The following DIAPH2 variants were observed in gnomAD, a reference collection of about 807,000 sequenced individuals.
The protein encoded by DIAPH2 is protein diaphanous homolog 2.
A neutral mutation model predicts 92.7 loss-of-function variants in DIAPH2; 35 were observed. The ratio of observed to expected loss-of-function variants is 0.38; its 90% CI spans 0.29 to 0.50. The LOEUF (loss-of-function observed/expected upper bound fraction) is 0.50. DIAPH2 is among the 20% of genes least tolerant of loss of function. The pLI, the probability that DIAPH2 is intolerant of heterozygous loss-of-function variation, is 0.94. For synonymous variants in DIAPH2, 301 were observed against 280.4 expected (o/e 1.07, Z -0.73); for missense variants, 701 against 819.5 (o/e 0.86, Z 1.77).
At chrX:97,015,798 A>T (rs1005222186) in intron 17 of DIAPH2, among the ~76,000 whole-genome samples, 21 of 108,903 alleles carry the variant, frequency 1.9e-4, no homozygotes, top group African/African-American at 7.0e-4. Flanking sequence ...AAAAAAAAAA[A>T]AAAAAAAAGC....
At chrX:97,499,440 A>G (rs1462526955) in intron 26 of DIAPH2, among the ~76,000 whole-genome samples, 3 of 111,807 alleles carry the variant, frequency 2.7e-5, no homozygotes, top group African/African-American at 9.8e-5. Context: ...TTCAGCGGGT[A>G]CATGTGCAGG....
chrX:97,254,431 G>A (rs1331177694), intron 23 of DIAPH2, among the ~76,000 whole-genome samples: 1 of 103,501 alleles, frequency 9.7e-6, no homozygotes, highest in Non-Finnish European at 2.0e-5. Flanking sequence ...GGCGAAGGTT[G>A]CAGTGAGCTG....
chrX:97,358,145 A>G (rs1213905242), intron 24 of DIAPH2, among the ~76,000 whole-genome samples: 2 of 112,151 alleles, frequency 1.8e-5, no homozygotes, highest in Non-Finnish European at 3.8e-5. Context: ...ACCAAGCTTC[A>G]GTTACTTCTT....
At chrX:97,433,280 G>T (rs1049139158) in intron 26 of DIAPH2, among the ~76,000 whole-genome samples, 40 of 110,918 alleles carry the variant, frequency 3.6e-4, no homozygotes, top group Non-Finnish European at 7.2e-4. Flanking sequence ...GGAGGCTGAG[G>T]TGAGAGGATC....
rs2067717233 is a variant in DIAPH2 at position 97,198,075 on chromosome X, T to C, written c.2720-49640T>C. Among the ~76,000 whole-genome samples, 3 of 110,861 alleles carry C rather than the reference T, an allele frequency of 2.7e-5. No homozygotes were observed. In the Admixed American group the frequency reaches 2.9e-4, roughly 11 times the overall value. On this transcript the variant is annotated intron_variant, in intron 22 of 26. Coordinates refer to ENST00000324765, the MANE Select transcript of DIAPH2 (RefSeq NM_006729.5). ...GAGTCAGCTGAAAACTATTTGTTTC[T>C]TTCAAAAGACAAGGGGAATGAATGA...
At chrX:97,476,944 CAA>C (rs958991841) in intron 26 of DIAPH2, among the ~76,000 whole-genome samples, 170 of 13,222 alleles carry the variant, frequency 0.013, no homozygotes, top group African/African-American at 0.033. Context: ...AACTCTGTCT[CAA>C]AAAAAAAAAA....
At chrX:96,998,681 A>G (rs1237711241) in intron 17 of DIAPH2, among the ~76,000 whole-genome samples, 1 of 111,410 alleles carries the variant, frequency 9.0e-6, no homozygotes, top group African/African-American at 3.3e-5. Context: ...GGAGGTCATT[A>G]TAAAATGTGA....
chrX:97,167,481 A>G (rs968735215), intron 22 of DIAPH2, among the ~76,000 whole-genome samples: 1 of 111,633 alleles, frequency 9.0e-6, no homozygotes, highest in Admixed American at 9.6e-5. Flanking sequence ...TTCAAGAATG[A>G]GAGTACAAAA....
chrX:97,106,844 A>G (rs767715790), intron 20 of DIAPH2, among the ~76,000 whole-genome samples: 1 of 112,178 alleles, frequency 8.9e-6, no homozygotes, highest in South Asian at 3.8e-4. Context: ...AGGCAGGAGA[A>G]TCGTTTGAAC....
intron 26 of DIAPH2, among the ~76,000 whole-genome samples, chrX:97,459,017 G>A (rs1448560432): frequency 8.9e-6 from 1 of 111,986 alleles, no homozygotes; most frequent in Non-Finnish European, 1.9e-5. Context: ...TCCATTCCCA[G>A]AGTCTGACTT....
chrX:97,212,923 TTAAATAGTTGAA>T (rs2067852794), intron 22 of DIAPH2, among the ~76,000 whole-genome samples: 1 of 111,901 alleles, frequency 8.9e-6, no homozygotes, highest in Non-Finnish European at 1.9e-5. Context: ...AAGTCATTGG[TTAAATAGTTGAA>T]GTTTTGGATA....
At chrX:97,346,947 A>G (rs1419357994) in intron 23 of DIAPH2, among the ~76,000 whole-genome samples, 1 of 110,684 alleles carries the variant, frequency 9.0e-6, no homozygotes, top group African/African-American at 3.3e-5. Flanking sequence ...CTCAAATGCC[A>G]AGGTGCCATA....
At chrX:97,395,459 C>T (rs1428821678) in intron 25 of DIAPH2, among the ~76,000 whole-genome samples, 1 of 111,850 alleles carries the variant, frequency 8.9e-6, no homozygotes. Context: ...ATTAGGATTT[C>T]GTTATTGTCT....
intron 26 of DIAPH2, among the ~76,000 whole-genome samples, chrX:97,592,518 G>A: frequency 1.8e-5 from 2 of 111,971 alleles, no homozygotes; most frequent in Middle Eastern, 9.1e-3. Context: ...AACGAATGCT[G>A]AGCATTAAGA....
In DIAPH2 at chrX:97,599,584, C is replaced by A. The variant is rs1404404223; in HGVS notation, c.*267C>A. 2 of 155,679 alleles carry A rather than the reference C, an allele frequency of 1.3e-5. No homozygotes were observed. Among genetic ancestry groups the A allele is most frequent in the Admixed American group, 8.5e-5 (1 of 11,760 alleles). 12.8% of individuals were successfully genotyped at this position (155,679 alleles called of 1,213,427 possible). Reference sequence around the variant, plus strand: ...TCATTTGTAATTGTGTGTGACCTGACTGTGATGATGGAAGTGTAAGAAATT... The same window carrying A: ...TCATTTGTAATTGTGTGTGACCTGAATGTGATGATGGAAGTGTAAGAAATT... On this transcript the variant is annotated 3_prime_UTR_variant, in exon 27 of 27. Transcript: ENST00000324765.
intron 4 of DIAPH2, among the ~76,000 whole-genome samples, chrX:96,764,689 A>G (rs1337006260): frequency 2.7e-5 from 3 of 111,472 alleles, no homozygotes; most frequent in South Asian, 3.8e-4. Flanking sequence ...AGAAATTTGC[A>G]TTTTTATCTA....
chrX:97,575,034 C>T (rs778155113), intron 26 of DIAPH2, among the ~76,000 whole-genome samples: 1 of 112,289 alleles, frequency 8.9e-6, no homozygotes. Context: ...TATTGAGCAA[C>T]TGGATATGAG....
At position 97,075,154 on chromosome X, in the gene DIAPH2, A is replaced by G. The variant is rs746672964; in HGVS notation, c.2153-13A>G. ...TGCTGTTATACTTTTAATAAAATCA[A>G]ATTTTATTTTAGCCATCTTTCTGGG... On this transcript the variant is annotated splice_polypyrimidine_tract_variant and intron_variant, in intron 18 of 26. Transcript: ENST00000324765. 3 of 1,112,776 alleles carry G rather than the reference A, an allele frequency of 2.7e-6. No homozygotes were observed. The highest frequency in any genetic ancestry group is 3.7e-6 in the Non-Finnish European group (3 of 820,519). 91.7% of individuals were successfully genotyped at this position (1,112,776 alleles called of 1,213,427 possible).
chrX:97,461,924 C>T (rs2070462354), intron 26 of DIAPH2, among the ~76,000 whole-genome samples: 1 of 111,187 alleles, frequency 9.0e-6, no homozygotes, highest in African/African-American at 3.3e-5. Flanking sequence ...TACCCTTGGC[C>T]TGTAGGGAAC....
Sources: gnomAD v4.1 joint callset for allele counts (sites outside exome capture counted in the v4.1 genomes callset) on GRCh38, gnomAD v4.1.1 for gene constraint, MANE v1.5 for transcripts, NCBI Gene and HGNC (gene_info 2026-07-23, HGNC 2026-07-21) for gene names.